RORA: variants seen among roughly 807,000 people sequenced by gnomAD.
RORA encodes RAR related orphan receptor A.
RORA carries 7 observed loss-of-function variants against 69.5 expected under a neutral mutation model. The ratio of observed to expected loss-of-function variants is 0.10; its 90% CI spans 0.06 to 0.19. The LOEUF (loss-of-function observed/expected upper bound fraction) is 0.19. Among genes scored for constraint, RORA ranks in the 10% least tolerant of loss-of-function variants. RORA has a pLI of 1.00. For synonymous variants in RORA, 261 were observed against 240.8 expected, an observed-to-expected ratio of 1.08 and a Z score of -0.78; for missense variants, 457 against 663.0, an observed-to-expected ratio of 0.69 and a Z score of 3.41.
At chr15:60,828,370 G>GT (rs2072994242) in intron 1 of RORA, among the ~76,000 whole-genome samples, 1 of 152,226 alleles carries the variant, frequency 6.6e-6, no homozygotes, top group Non-Finnish European at 1.5e-5. Context: ...TGGGCCCAAA[G>GT]TACTTCAAAG....
chr15:60,740,340 C>G (rs1174307643), intron 1 of RORA, among the ~76,000 whole-genome samples: 2 of 152,188 alleles, frequency 1.3e-5, no homozygotes, highest in Admixed American at 1.3e-4. Context: ...CAAGCGAGAA[C>G]TGAAACAGTA....
At position 61,024,738 on chromosome 15, in the gene RORA, C is replaced by T. The variant is rs1401862523; in HGVS notation, c.166+204315G>A. ...GTGCTGGGATTACAGGCATGAGCCA[C>T]TGCACCTGGTCCTGGCTACATTTTG... On this transcript the variant is annotated intron_variant, in intron 1 of 10. Coordinates refer to ENST00000335670, the MANE Select transcript of RORA (RefSeq NM_134261.3). 5.3e-5 allele frequency among the ~76,000 whole-genome samples: 8 copies of T among 152,212 alleles called. No individual in the cohort carries two copies. The East Asian group carries it at 1.6e-3, about 30-fold the overall frequency.
In RORA at chr15:60,887,141, T is replaced by TGA. The variant is rs3053903; in HGVS notation, c.167-208457_167-208456dup. ...GCAAGATACTTCCCTTTGCCAGAGC[T>TGA]GAGAGAGAGAGAGAGAGAGAGAGAG... is the stretch of plus-strand genomic sequence containing the variant. On this transcript the variant is annotated intron_variant, in intron 1 of 10. Transcript: ENST00000335670. 4.9e-3 allele frequency among the ~76,000 whole-genome samples: 730 copies of TGA among 148,008 alleles called. 4 individuals are homozygous for TGA. Among genetic ancestry groups the TGA allele is most frequent in the East Asian group, 7.1e-3 (36 of 5,040 alleles).
At chr15:61,184,411 T>C (rs28428669) in intron 1 of RORA, among the ~76,000 whole-genome samples, 20,980 of 152,068 alleles carry the variant, frequency 0.14, 1,535 homozygotes, top group South Asian at 0.29. Flanking sequence ...ATTTCCCCCC[T>C]AAGATAAGTC....
intron 1 of RORA, among the ~76,000 whole-genome samples, chr15:60,822,854 C>T (rs1378012012): frequency 6.6e-6 from 1 of 152,212 alleles, no homozygotes; most frequent in African/African-American, 2.4e-5. Context: ...CTAATATATG[C>T]TAAGCTAATT....
chr15:60,566,970 C>T lies in RORA; in HGVS notation c.197-35119G>A, dbSNP rs151170467. 1.5e-3 allele frequency among the ~76,000 whole-genome samples: 226 copies of T among 152,218 alleles called. 1 individual carries two copies. Among genetic ancestry groups the T allele is most frequent in the African/African-American group, 5.3e-3 (219 of 41,530 alleles). ...GACTTATTTTCTAGGTGACTTAAGC[C>T]TTCAGAACAGAAAGGAGTCTGTTTA... On this transcript the variant is annotated intron_variant, in intron 2 of 10. Coordinates refer to ENST00000335670, the MANE Select transcript of RORA (RefSeq NM_134261.3).
At chr15:60,547,671 C>T (rs2067114741) in intron 2 of RORA, 1 of 146,962 alleles carries the variant, frequency 6.8e-6, no homozygotes, top group Non-Finnish European at 1.5e-5. Context: ...GGTTTCTTCA[C>T]TTACCTTTTT....
intron 1 of RORA, among the ~76,000 whole-genome samples, chr15:60,811,685 T>C (rs2072745207): frequency 1.3e-5 from 2 of 152,200 alleles, no homozygotes; most frequent in African/African-American, 4.8e-5. Context: ...AACTGACAGT[T>C]TCTTTATGGC....
At chr15:60,554,882 C>T (rs2067316042) in intron 2 of RORA, among the ~76,000 whole-genome samples, 1 of 151,860 alleles carries the variant, frequency 6.6e-6, no homozygotes, top group African/African-American at 2.4e-5. Context: ...CCACGCTCAC[C>T]CCCTGGTTTT....
chr15:60,759,769 C>A (rs1369991682), intron 1 of RORA, among the ~76,000 whole-genome samples: 1 of 152,114 alleles, frequency 6.6e-6, no homozygotes, highest in African/African-American at 2.4e-5. Flanking sequence ...TCTACCTACT[C>A]TTTTCCCAAG....
intron 1 of RORA, among the ~76,000 whole-genome samples, chr15:60,949,465 C>CT (rs1316377755): frequency 6.6e-6 from 1 of 152,186 alleles, no homozygotes; most frequent in East Asian, 1.9e-4. Context: ...TCACTACACA[C>CT]GTGAAAATGC....
At chr15:61,049,547 G>A (rs77940354) in intron 1 of RORA, among the ~76,000 whole-genome samples, 1 of 152,320 alleles carries the variant, frequency 6.6e-6, no homozygotes, top group Non-Finnish European at 1.5e-5. Context: ...AGCATGAGGA[G>A]TACCAGTCTG....
intron 1 of RORA, among the ~76,000 whole-genome samples, chr15:61,020,302 G>A (rs1397544544): frequency 6.6e-6 from 1 of 151,990 alleles, no homozygotes; most frequent in Non-Finnish European, 1.5e-5. Context: ...CTCAAGTTCA[G>A]ACCATCCCAC....
intron 1 of RORA, among the ~76,000 whole-genome samples, chr15:60,988,228 G>A (rs903808461): frequency 6.6e-6 from 1 of 152,184 alleles, no homozygotes; most frequent in Admixed American, 6.5e-5. Flanking sequence ...GGAGGGTTGG[G>A]AGAGGGAAGA....
In RORA at chr15:60,592,632, CGGG is replaced by C. The variant is rs2068564545; in HGVS notation, c.197-60784_197-60782del. ...CGCGCCCCTCCGCTTCCTCCCGGGGCGGGAGGCGGGAGGCGGGAGGCGGGAGGC... is the reference window on the plus strand; with the variant it reads ...CGCGCCCCTCCGCTTCCTCCCGGGGCAGGCGGGAGGCGGGAGGCGGGAGGC... On this transcript the variant is annotated intron_variant, in intron 2 of 10. Transcript: ENST00000335670. 3 of 586,598 alleles carry C rather than the reference CGGG, an allele frequency of 5.1e-6. No individual in the cohort carries two copies. The African/African-American group carries it at 1.5e-4, about 29-fold the overall frequency. The allele number at this position is 586,598 out of a possible 1,614,324, so 36.3% of individuals were successfully genotyped here. A position where few individuals can be genotyped will look rare whatever the true frequency, so the allele number is the denominator to read the frequency against.
chr15:60,779,127 C>T (rs2072217194), intron 1 of RORA, among the ~76,000 whole-genome samples: 1 of 152,164 alleles, frequency 6.6e-6, no homozygotes, highest in South Asian at 2.1e-4. Context: ...CTAAATTGGA[C>T]TTCTAGTCAG....
At chr15:60,761,749 A>G (rs1442366447) in intron 1 of RORA, among the ~76,000 whole-genome samples, 1 of 152,098 alleles carries the variant, frequency 6.6e-6, no homozygotes, top group Non-Finnish European at 1.5e-5. Context: ...AATTCAAAAC[A>G]CTATATGAGA....
intron 2 of RORA, among the ~76,000 whole-genome samples, chr15:60,623,594 T>C (rs1349063393): frequency 2.6e-5 from 4 of 152,112 alleles, no homozygotes; most frequent in Non-Finnish European, 4.4e-5. Flanking sequence ...AATGGTGGAA[T>C]TGGATATAAG....
intron 1 of RORA, among the ~76,000 whole-genome samples, chr15:60,920,638 A>C (rs577266772): frequency 6.6e-6 from 1 of 152,380 alleles, no homozygotes; most frequent in African/African-American, 2.4e-5. Context: ...GTTCATAGTT[A>C]ACAGCGAGCT....
Sources: gnomAD v4.1 joint callset for allele counts (sites outside exome capture counted in the v4.1 genomes callset) on GRCh38, gnomAD v4.1.1 for gene constraint, MANE v1.5 for transcripts, NCBI Gene and HGNC (gene_info 2026-07-23, HGNC 2026-07-21) for gene names.